Variants in NRCAM observed in about 807,000 individuals in gnomAD.
NRCAM encodes the protein neuronal cell adhesion molecule, also known as NgCAM-related cell adhesion molecule.
NRCAM carries 83 observed loss-of-function variants against 156.5 expected under a neutral mutation model. That is an observed-to-expected ratio of 0.53 (90% CI 0.44 to 0.64). NRCAM has a LOEUF of 0.64. Among genes scored for constraint, NRCAM ranks in the 30% least tolerant of loss-of-function variants. The pLI is 0.00. For missense variants in NRCAM, 1,417 were observed against 1,597.3 expected (o/e 0.89, Z 1.92); for synonymous variants, 538 against 563.9 (o/e 0.95, Z 0.65).
At chr7:108,264,941 G>T (rs911700916) in intron 3 of NRCAM, among the ~76,000 whole-genome samples, 1 of 152,100 alleles carries the variant, frequency 6.6e-6, no homozygotes, top group Admixed American at 6.6e-5. Context: ...GTCTCCAACC[G>T]GACAGAAAAT....
intron 1 of NRCAM, among the ~76,000 whole-genome samples, chr7:108,429,223 ACT>A (rs1821592354): frequency 6.6e-6 from 1 of 151,746 alleles, no homozygotes; most frequent in South Asian, 2.1e-4. Context: ...ACAGAGTCTC[ACT>A]CTATCACCCA....
intron 20 of NRCAM, among the ~76,000 whole-genome samples, chr7:108,186,727 T>C (rs1374708776): frequency 6.6e-6 from 1 of 152,370 alleles, no homozygotes; most frequent in East Asian, 1.9e-4. Context: ...CTTAAATAAA[T>C]GTAAGCAATT....
At chr7:108,249,370 T>C (rs1374996586) in intron 3 of NRCAM, among the ~76,000 whole-genome samples, 2 of 152,210 alleles carry the variant, frequency 1.3e-5, no homozygotes, top group Non-Finnish European at 2.9e-5. Flanking sequence ...CTGTTTCATA[T>C]AAAGAACAAA....
chr7:108,454,687 T>G (rs997540858), intron 1 of NRCAM, among the ~76,000 whole-genome samples: 3 of 152,164 alleles, frequency 2.0e-5, no homozygotes, highest in Non-Finnish European at 4.4e-5. Flanking sequence ...CCTCCGAGGT[T>G]TGTATTCAGA....
At chr7:108,278,990 G>C (rs1339302671) in intron 3 of NRCAM, among the ~76,000 whole-genome samples, 1 of 152,208 alleles carries the variant, frequency 6.6e-6, no homozygotes, top group Non-Finnish European at 1.5e-5. Context: ...GGCTTGAAGA[G>C]TAGCAGTGTC....
chr7:108,188,457 T>G (rs1378538319), intron 20 of NRCAM, among the ~76,000 whole-genome samples: 2 of 152,040 alleles, frequency 1.3e-5, no homozygotes, highest in Non-Finnish European at 2.9e-5. Context: ...AATGTATTAT[T>G]AATTTTATCT....
At position 108,188,140 on chromosome 7, in the gene NRCAM, G is replaced by A. The variant is rs2068387853; in HGVS notation, c.2035+1505C>T. 1.3e-5 allele frequency among the ~76,000 whole-genome samples: 2 copies of A among 152,162 alleles called. 1 individual carries two copies. Among genetic ancestry groups the A allele is most frequent in the South Asian group, 4.1e-4 (2 of 4,828 alleles). On this transcript the variant is annotated intron_variant, in intron 20 of 32. Transcript: ENST00000379028. ...AAGCCTCAGACTACAGTATAGTATA[G>A]CTCTGGGATAGTCTCAGCCAGGTCA... is the stretch of plus-strand genomic sequence containing the variant.
rs1454497364 is a variant in NRCAM, at chr7:108,148,099, C to A, written c.*1811G>T. ...GCTTTACCTACATATATCAAACATG[C>A]CAGGTTACTAGGCCTACTGTGCCCC... On this transcript the variant is annotated 3_prime_UTR_variant, in exon 33 of 33. Coordinates refer to ENST00000379028, the MANE Select transcript of NRCAM (RefSeq NM_001037132.4). 1.3e-5 allele frequency: 2 copies of A among 152,584 alleles called. No homozygotes were observed. Among genetic ancestry groups the A allele is most frequent in the Non-Finnish European group, 2.9e-5 (2 of 68,040 alleles). 9.5% of individuals were successfully genotyped at this position (152,584 alleles called of 1,614,324 possible).
chr7:108,233,216 A>C (rs1367167169), intron 6 of NRCAM, among the ~76,000 whole-genome samples: 1 of 152,190 alleles, frequency 6.6e-6, no homozygotes, highest in African/African-American at 2.4e-5. Flanking sequence ...GTGCTCATGT[A>C]ATTAAATACT....
intron 17 of NRCAM, among the ~76,000 whole-genome samples, chr7:108,193,110 C>T (rs2073069585): frequency 6.6e-6 from 1 of 152,118 alleles, no homozygotes; most frequent in Non-Finnish European, 1.5e-5. Flanking sequence ...GGAGTCTCAA[C>T]CTTCTGGGCC....
intron 2 of NRCAM, among the ~76,000 whole-genome samples, chr7:108,365,873 C>T (rs2154332039): frequency 6.6e-6 from 1 of 152,172 alleles, no homozygotes; most frequent in African/African-American, 2.4e-5. Context: ...ATTTAAGTAA[C>T]ATGTAAAGGC....
intron 1 of NRCAM, among the ~76,000 whole-genome samples, chr7:108,455,663 C>A (rs571280805): frequency 6.6e-6 from 1 of 152,330 alleles, no homozygotes; most frequent in East Asian, 1.9e-4. Flanking sequence ...GCCTCGCCCC[C>A]GAACTCCGTG....
chr7:108,401,586 T>C (rs1450828171), intron 1 of NRCAM, among the ~76,000 whole-genome samples: 1 of 152,142 alleles, frequency 6.6e-6, no homozygotes, highest in Non-Finnish European at 1.5e-5. Flanking sequence ...GCTAAACTAC[T>C]GAGCACCTTC....
At chr7:108,381,669 C>G (rs1052018753) in intron 2 of NRCAM, among the ~76,000 whole-genome samples, 4 of 151,550 alleles carry the variant, frequency 2.6e-5, no homozygotes, top group Non-Finnish European at 5.9e-5. Context: ...AAGAGATTCT[C>G]CTGCCTCAGG....
chr7:108,391,040 G>A (rs1462363956), intron 2 of NRCAM, among the ~76,000 whole-genome samples: 1 of 152,208 alleles, frequency 6.6e-6, no homozygotes, highest in East Asian at 1.9e-4. Context: ...TGAGAAGAAT[G>A]TATATTCTGT....
At chr7:108,423,962 C>CTGT (rs1371252565) in intron 1 of NRCAM, among the ~76,000 whole-genome samples, 1 of 152,240 alleles carries the variant, frequency 6.6e-6, no homozygotes, top group Non-Finnish European at 1.5e-5. Context: ...ACATCTAAAT[C>CTGT]TGTTAATACC....
chr7:108,289,585 T>C (rs1375235906), intron 3 of NRCAM, among the ~76,000 whole-genome samples: 1 of 152,162 alleles, frequency 6.6e-6, no homozygotes, highest in Non-Finnish European at 1.5e-5. Flanking sequence ...TCAAGACTAG[T>C]AGTGTCATCA....
rs763460173 is a variant in NRCAM at position 108,232,368 on chromosome 7, G to A, written c.385C>T (p.Arg129Cys). ...ATGTTATTAGAAACTGCAGCTCCGC[G>A]TTCGTTCCTTGCTGTACACTGATAG... ...GVYQCTARNE[R>C]GAAVSNNIVV... Residue 129 changes from arginine (R) to cysteine (C), a missense_variant, in exon 7 of 33, where the codon CGC becomes TGC. Coordinates refer to ENST00000379028, the MANE Select transcript of NRCAM (RefSeq NM_001037132.4). 1.5e-5 allele frequency: 24 copies of A among 1,610,224 alleles called. No individual in the cohort carries two copies. Among genetic ancestry groups the A allele is most frequent in the South Asian group, 3.3e-5 (3 of 90,240 alleles).
At chr7:108,451,944 T>C (rs555067074) in intron 1 of NRCAM, among the ~76,000 whole-genome samples, 1 of 152,352 alleles carries the variant, frequency 6.6e-6, no homozygotes, top group South Asian at 2.1e-4. Context: ...TTTAATGGCA[T>C]ATCTTATGTC....
Sources: allele counts gnomAD v4.1 joint callset (sites outside exome capture counted in the v4.1 genomes callset), GRCh38; gene constraint gnomAD v4.1.1; transcripts MANE v1.5; gene names NCBI Gene and HGNC (gene_info 2026-07-23, HGNC 2026-07-21).